FCHO2: variants seen among roughly 807,000 people sequenced by gnomAD.
FCHO2 encodes the protein F-BAR domain only protein 2.
A neutral mutation model predicts 114.1 loss-of-function variants in FCHO2; 43 were observed. The observed-to-expected ratio is 0.38, with a 90% CI of 0.30 to 0.49. The LOEUF (loss-of-function observed/expected upper bound fraction) is 0.49. Among genes scored for constraint, FCHO2 ranks in the 20% least tolerant of loss-of-function variants. FCHO2 has a pLI of 0.97. For synonymous variants in FCHO2, 293 were observed against 315.2 expected, an observed-to-expected ratio of 0.93 and a Z score of 0.75; for missense variants, 807 against 950.4, an observed-to-expected ratio of 0.85 and a Z score of 1.98.
At chr5:72,997,677 G>A in intron 5 of FCHO2, 1 of 1,548,822 alleles carries the variant, frequency 6.5e-7, no homozygotes, top group Admixed American at 1.7e-5. Context: ...AGTTGGGGTT[G>A]GGGGAAAGGG....
intron 21 of FCHO2, among the ~76,000 whole-genome samples, chr5:73,077,847 C>T (rs891363051): frequency 4.0e-5 from 6 of 151,758 alleles, no homozygotes; most frequent in African/African-American, 1.5e-4. Context: ...TAGACCCTGT[C>T]TCAAAAAAAA....
intron 9 of FCHO2, among the ~76,000 whole-genome samples, chr5:73,036,556 TG>T (rs1756521804): frequency 1.3e-5 from 2 of 151,334 alleles, no homozygotes; most frequent in Admixed American, 1.3e-4. Flanking sequence ...TGTATTTTTT[TG>T]TAGAGACAGG....
chr5:73,001,705 T>TGGGAGGCCAAGGC (rs1420766973), intron 5 of FCHO2, among the ~76,000 whole-genome samples: 8 of 151,726 alleles, frequency 5.3e-5, no homozygotes, highest in Non-Finnish European at 1.2e-4. Flanking sequence ...CCCAGCACTT[T>TGGGAGGCCAAGGC]GGGAGGCCAA....
chr5:73,071,784 A>G (rs1415902991), intron 19 of FCHO2, among the ~76,000 whole-genome samples: 1 of 152,052 alleles, frequency 6.6e-6, no homozygotes, highest in Non-Finnish European at 1.5e-5. Context: ...GCCAACTGTT[A>G]AGTGGGTTTT....
intron 19 of FCHO2, among the ~76,000 whole-genome samples, chr5:73,072,865 G>T (rs1221382487): frequency 6.6e-6 from 1 of 152,034 alleles, no homozygotes; most frequent in Non-Finnish European, 1.5e-5. Context: ...GTATGCTTAA[G>T]AATGATTAAG....
Position 73,017,266 on chromosome 5 carries a change from C to A in FCHO2, c.754C>A (p.Gln252Lys). Residue 252 changes from glutamine to lysine, a missense_variant, in exon 8 of 26, where the codon CAA becomes AAA. Physicochemically the swap from Gln to Lys is moderately conservative, Grantham distance 53. Transcript: ENST00000430046. Reference sequence around the variant, plus strand: ...TAATACTACAGTTGAAAGTTTGATACAAAAATTTGCTGAGTCAAAAGGCAC... The same window carrying A: ...TAATACTACAGTTGAAAGTTTGATAAAAAAATTTGCTGAGTCAAAAGGCAC... ...MANTTVESLI[Q>K]KFAESKGTGK... 5 of 1,565,216 alleles carry A rather than the reference C, an allele frequency of 3.2e-6. No homozygotes were observed. Among genetic ancestry groups the A allele is most frequent in the Non-Finnish European group, 3.5e-6 (4 of 1,154,042 alleles).
chr5:73,075,497 GA>G (rs1478348215), intron 20 of FCHO2, among the ~76,000 whole-genome samples: 4 of 152,144 alleles, frequency 2.6e-5, no homozygotes, highest in African/African-American at 9.7e-5. Context: ...AGAGGTATGA[GA>G]CCAGGTTAGG....
At chr5:72,980,964 G>T (rs915977423) in intron 2 of FCHO2, among the ~76,000 whole-genome samples, 1 of 152,070 alleles carries the variant, frequency 6.6e-6, no homozygotes, top group African/African-American at 2.4e-5. Flanking sequence ...ATATTGTTAT[G>T]TGTGAATTTG....
At chr5:73,031,089 C>A (rs1465881121) in intron 8 of FCHO2, among the ~76,000 whole-genome samples, 1 of 151,934 alleles carries the variant, frequency 6.6e-6, no homozygotes, top group Admixed American at 6.5e-5. Flanking sequence ...CTGTGCATAT[C>A]ACCACAAACT....
chr5:73,007,100 A>G (rs1050873160), intron 6 of FCHO2, among the ~76,000 whole-genome samples: 5 of 151,902 alleles, frequency 3.3e-5, no homozygotes, highest in African/African-American at 1.2e-4. Context: ...TCCTTGTTTT[A>G]TTTTCCTGCT....
At chr5:73,037,105 T>C (rs1756549993) in intron 9 of FCHO2, 38 bp from the exon 10 acceptor site, 1 of 1,356,446 alleles carries the variant, frequency 7.4e-7, no homozygotes, top group African/African-American at 1.5e-5. Context: ...TTATCAGGAA[T>C]GTTTATGTTT....
At chr5:73,026,067 G>A (rs953844876) in intron 8 of FCHO2, among the ~76,000 whole-genome samples, 1 of 151,954 alleles carries the variant, frequency 6.6e-6, no homozygotes. Context: ...AGGCCGAGGC[G>A]ACTGAACTCT....
chr5:73,014,350 G>A (rs1278079655), intron 6 of FCHO2, among the ~76,000 whole-genome samples: 1 of 149,068 alleles, frequency 6.7e-6, no homozygotes, highest in African/African-American at 2.5e-5. Context: ...GTGCAATGGC[G>A]TGATCTCGGC....
chr5:72,967,978 G>A (rs371495423), intron 1 of FCHO2, among the ~76,000 whole-genome samples: 4 of 149,744 alleles, frequency 2.7e-5, no homozygotes, highest in Admixed American at 1.3e-4. Context: ...AGGCTGGGGC[G>A]CAGTGGCACA....
At chr5:73,055,810 T>C (rs1757564603) in intron 15 of FCHO2, among the ~76,000 whole-genome samples, 2 of 152,166 alleles carry the variant, frequency 1.3e-5, no homozygotes, top group South Asian at 4.1e-4. Context: ...TAAACAGCAA[T>C]TTTAATGAAT....
At chr5:72,995,825 CT>C (rs1326863371) in intron 5 of FCHO2, among the ~76,000 whole-genome samples, 2 of 152,074 alleles carry the variant, frequency 1.3e-5, no homozygotes, top group African/African-American at 4.8e-5. Flanking sequence ...AGGGCAGAGC[CT>C]TCATGACCGA....
rs192586214 is a variant in FCHO2 at position 72,988,368 on chromosome 5, G to A, written c.126-1059G>A. On this transcript the variant is annotated intron_variant, in intron 2 of 25. Coordinates refer to ENST00000430046, the MANE Select transcript of FCHO2 (RefSeq NM_138782.3). Reference sequence around the variant, plus strand: ...CAGGAGAATCGCTTGAATCCGGGAGGCGGAGGTTGCAGTGAGCCAAGATTG... The same window carrying A: ...CAGGAGAATCGCTTGAATCCGGGAGACGGAGGTTGCAGTGAGCCAAGATTG... 1.1e-4 allele frequency among the ~76,000 whole-genome samples: 16 copies of A among 152,224 alleles called. No homozygotes were observed. The East Asian group carries it at 2.9e-3, about 28-fold the overall frequency.
intron 2 of FCHO2, among the ~76,000 whole-genome samples, chr5:72,969,149 G>T (rs1461245528): frequency 6.6e-6 from 1 of 152,040 alleles, no homozygotes; most frequent in Non-Finnish European, 1.5e-5. Flanking sequence ...CTAACTTAAA[G>T]CTATTTTGTG....
At chr5:73,067,920 A>AT (rs1742436643) in intron 18 of FCHO2, among the ~76,000 whole-genome samples, 1 of 152,046 alleles carries the variant, frequency 6.6e-6, no homozygotes, top group African/African-American at 2.4e-5. Context: ...TTGGAGTTAT[A>AT]TTTTTTATAT....
Sources: allele counts gnomAD v4.1 joint callset (sites outside exome capture counted in the v4.1 genomes callset), GRCh38; gene constraint gnomAD v4.1.1; transcripts MANE v1.5; gene names NCBI Gene and HGNC (gene_info 2026-07-23, HGNC 2026-07-21).